Variants in FOXP1 observed in about 807,000 individuals in gnomAD.
FOXP1 encodes forkhead box P1.
FOXP1 carries 15 observed loss-of-function variants against 98.2 expected under a neutral mutation model. The observed-to-expected ratio is 0.15, with a 90% CI of 0.10 to 0.24. The LOEUF (loss-of-function observed/expected upper bound fraction) is 0.24, where lower values mean the gene tolerates loss of function less well. FOXP1 is among the 10% of genes least tolerant of loss of function. The pLI, the probability that FOXP1 is intolerant of heterozygous loss-of-function variation, is 1.00. For synonymous variants in FOXP1, 371 were observed against 314.5 expected, an observed-to-expected ratio of 1.18 and a Z score of -1.90; for missense variants, 633 against 848.5, an observed-to-expected ratio of 0.75 and a Z score of 3.15.
intron 6 of FOXP1, among the ~76,000 whole-genome samples, chr3:71,121,801 C>CT (rs2107823483): frequency 6.6e-6 from 1 of 152,298 alleles, no homozygotes; most frequent in Admixed American, 6.5e-5. Flanking sequence ...GCATCAAACT[C>CT]TTTTTTGCCT....
intron 3 of FOXP1, among the ~76,000 whole-genome samples, chr3:71,412,685 A>G (rs1306380493): frequency 1.3e-5 from 2 of 152,220 alleles, no homozygotes; most frequent in East Asian, 3.9e-4. Flanking sequence ...TCCTTAACAC[A>G]GGTTGTAGTC....
At chr3:70,983,589 T>C (rs1377803589) in intron 14 of FOXP1, among the ~76,000 whole-genome samples, 2 of 152,328 alleles carry the variant, frequency 1.3e-5, no homozygotes, top group African/African-American at 2.4e-5. Flanking sequence ...AAGTGCTTTA[T>C]AAGATTTTCG....
At chr3:71,579,366 G>C (rs1000901018) in intron 2 of FOXP1, among the ~76,000 whole-genome samples, 10 of 152,058 alleles carry the variant, frequency 6.6e-5, no homozygotes, top group Non-Finnish European at 1.5e-4. Flanking sequence ...ATTATACTTT[G>C]ATAAACCTGT....
intron 18 of FOXP1, chr3:70,971,211 T>C (rs2036162107): frequency 3.5e-6 from 1 of 282,818 alleles, no homozygotes; most frequent in Admixed American, 4.8e-5. Context: ...TCTTGGCTCC[T>C]AAGCATCTTT....
intron 3 of FOXP1, among the ~76,000 whole-genome samples, chr3:71,447,479 T>C (rs2086556115): frequency 6.6e-6 from 1 of 152,212 alleles, no homozygotes; most frequent in African/African-American, 2.4e-5. Context: ...AGTAGGTCAG[T>C]GGCCTAGTTC....
At chr3:71,510,051 G>A (rs1488379069) in intron 2 of FOXP1, among the ~76,000 whole-genome samples, 3 of 151,936 alleles carry the variant, frequency 2.0e-5, no homozygotes, top group Admixed American at 6.6e-5. Flanking sequence ...TGTGGTGGCA[G>A]GCACCTGTAA....
At chr3:71,395,876 G>A (rs1393767992) in intron 3 of FOXP1, among the ~76,000 whole-genome samples, 1 of 152,166 alleles carries the variant, frequency 6.6e-6, no homozygotes, top group South Asian at 2.1e-4. Flanking sequence ...TAATGGGGGG[G>A]TTGGTTATGA....
intron 6 of FOXP1, among the ~76,000 whole-genome samples, chr3:71,141,719 A>G (rs1443173828): frequency 7.2e-5 from 11 of 152,200 alleles, no homozygotes; most frequent in Admixed American, 6.5e-5. Flanking sequence ...AGATAGAGTA[A>G]GACATCAGCA....
chr3:70,980,616 T>C (rs1017057300), intron 14 of FOXP1, among the ~76,000 whole-genome samples: 3 of 152,204 alleles, frequency 2.0e-5, no homozygotes, highest in African/African-American at 2.4e-5. Flanking sequence ...GCCTAGTTAA[T>C]AGCAAAAATG....
At chr3:71,405,034 C>A (rs1227498401) in intron 3 of FOXP1, among the ~76,000 whole-genome samples, 4 of 152,166 alleles carry the variant, frequency 2.6e-5, no homozygotes, top group African/African-American at 9.7e-5. Flanking sequence ...TTGTGAAATA[C>A]CTCCAAAGGC....
intron 3 of FOXP1, among the ~76,000 whole-genome samples, chr3:71,436,699 A>G (rs1464815835): frequency 2.6e-5 from 4 of 152,198 alleles, no homozygotes; most frequent in Non-Finnish European, 5.9e-5. Context: ...GTCATAAACC[A>G]AGTCTGGAGC....
At chr3:71,303,281 A>G (rs2074001720) in intron 4 of FOXP1, among the ~76,000 whole-genome samples, 1 of 152,176 alleles carries the variant, frequency 6.6e-6, no homozygotes, top group Admixed American at 6.5e-5. Context: ...AGCCTACCCA[A>G]TACTGGCTGA....
At chr3:71,102,236 G>A (rs1378836526) in intron 7 of FOXP1, among the ~76,000 whole-genome samples, 6 of 152,088 alleles carry the variant, frequency 3.9e-5, no homozygotes, top group Admixed American at 3.9e-4. Flanking sequence ...GGAAATAGCC[G>A]GGATGACTTC....
chr3:71,354,693 G>A (rs2078036770), intron 4 of FOXP1, among the ~76,000 whole-genome samples: 2 of 152,220 alleles, frequency 1.3e-5, no homozygotes, highest in Admixed American at 1.3e-4. Flanking sequence ...TCAGAAGAAA[G>A]CAGAAGATGA....
At chr3:71,273,671 T>C (rs746621226) in intron 5 of FOXP1, among the ~76,000 whole-genome samples, 3 of 152,052 alleles carry the variant, frequency 2.0e-5, no homozygotes, top group Non-Finnish European at 4.4e-5. Context: ...TGCTTGATAA[T>C]AGGGCACTAA....
At chr3:71,038,680 A>G (rs1416225586) in intron 11 of FOXP1, among the ~76,000 whole-genome samples, 1 of 150,504 alleles carries the variant, frequency 6.6e-6, no homozygotes, top group Non-Finnish European at 1.5e-5. Context: ...TTTTTTAATT[A>G]AGAGACAGGA....
chr3:71,007,409 C>T (rs761427206), intron 12 of FOXP1, among the ~76,000 whole-genome samples: 3 of 152,146 alleles, frequency 2.0e-5, no homozygotes, highest in Admixed American at 6.6e-5. Flanking sequence ...GCGTGCAAGC[C>T]GAGAGCCACA....
chr3:71,166,980 G>A (rs923586010), intron 6 of FOXP1, among the ~76,000 whole-genome samples: 2 of 151,930 alleles, frequency 1.3e-5, no homozygotes, highest in East Asian at 1.9e-4. Context: ...TTACTGATCC[G>A]GTTATCTTGT....
chr3:71,397,058 A>ATACACATATATATATG lies in FOXP1; in HGVS notation c.-167-37815_-167-37814insCATATATATATGTGTA, dbSNP rs1463195137. On this transcript the variant is annotated intron_variant, in intron 3 of 20. Transcript: ENST00000649528. ...TGTGTATATATATATACACATATATATGTGTATATATATATACATATATAT... is the reference window on the plus strand; with the variant it reads ...TGTGTATATATATATACACATATATATACACATATATATATGTGTGTATATATATATACATATATAT... Among the ~76,000 whole-genome samples, 12 of 98,220 alleles carry ATACACATATATATATG rather than the reference A, an allele frequency of 1.2e-4. 2 individuals carry two copies. The highest frequency in any genetic ancestry group is 6.0e-4 in the South Asian group (2 of 3,348). 64.4% of individuals were successfully genotyped at this position (98,220 alleles called of 152,430 possible).
Sources: gnomAD v4.1 joint callset for allele counts (sites outside exome capture counted in the v4.1 genomes callset) on GRCh38, gnomAD v4.1.1 for gene constraint, MANE v1.5 for transcripts, NCBI Gene and HGNC (gene_info 2026-07-23, HGNC 2026-07-21) for gene names.